TMEM68: variants seen among roughly 807,000 people sequenced by gnomAD.
The protein encoded by TMEM68 is transmembrane protein 68.
Under a neutral mutation model 36.9 loss-of-function variants are expected in TMEM68, and 25 were observed. That is an observed-to-expected ratio of 0.68 (90% CI 0.49 to 0.95). The LOEUF is 0.95. TMEM68 is among the 40% of genes least tolerant of loss of function. TMEM68 has a pLI of 0.00. For missense variants in TMEM68, 333 were observed against 392.0 expected, an observed-to-expected ratio of 0.85 and a Z score of 1.27; for synonymous variants, 131 against 124.4, an observed-to-expected ratio of 1.05 and a Z score of -0.35.
chr8:55,741,890 G>T (rs1007983230), intron 7 of TMEM68, among the ~76,000 whole-genome samples: 2 of 152,012 alleles, frequency 1.3e-5, no homozygotes, highest in Non-Finnish European at 2.9e-5. Flanking sequence ...AAAATGTATA[G>T]ACTTGTACCA....
intron 1 of TMEM68, among the ~76,000 whole-genome samples, chr8:55,765,428 C>A (rs1210062469): frequency 4.6e-5 from 7 of 152,158 alleles, no homozygotes; most frequent in Non-Finnish European, 1.0e-4. Context: ...AACCCCTGTG[C>A]CTCCGTTTGC....
intron 2 of TMEM68, chr8:55,763,717 C>CATGTTTTTATCTTAA (rs1260261436): frequency 1.5e-4 from 7 of 47,060 alleles, no homozygotes; most frequent in Middle Eastern, 0.012. Flanking sequence ...CAAAAGAAAA[C>CATGTTTTTATCTTAA]ATCAATATCT....
intron 5 of TMEM68, 55 bp from the exon 6 acceptor site, chr8:55,745,176 C>G: frequency 5.7e-6 from 7 of 1,234,594 alleles, no homozygotes; most frequent in Non-Finnish European, 7.6e-6. Context: ...CATTCAATGT[C>G]TCCATTAGAG....
In TMEM68 at chr8:55,740,034, A is replaced by T; in HGVS notation, c.*98T>A. 2.4e-6 allele frequency: 2 copies of T among 844,590 alleles called. No individual in the cohort carries two copies. The highest frequency in any genetic ancestry group is 1.8e-6 in the Non-Finnish European group (1 of 566,240). The allele number at this position is 844,590 out of a possible 1,614,324, so 52.3% of individuals were successfully genotyped here. On this transcript the variant is annotated 3_prime_UTR_variant, in exon 8 of 8. Transcript: ENST00000434581. ...CTTATTAACATGATTTTTTTAAAAA[A>T]TACTAATTATAGGACCTACAAAATT... is the stretch of plus-strand genomic sequence containing the variant.
At chr8:55,743,952 A>G (rs1201211472) in intron 6 of TMEM68, among the ~76,000 whole-genome samples, 3 of 152,144 alleles carry the variant, frequency 2.0e-5, no homozygotes, top group African/African-American at 7.2e-5. Context: ...TTAAACAAAA[A>G]TAAGTAAACA....
intron 5 of TMEM68, chr8:55,747,447 TAAAG>T (rs1437216669): frequency 6.6e-6 from 1 of 152,140 alleles, no homozygotes; most frequent in African/African-American, 2.4e-5. Flanking sequence ...CACAAGAAGA[TAAAG>T]AAGACAAAAT....
At chr8:55,754,460 TATATATACACAC>T (rs1266442924) in intron 4 of TMEM68, among the ~76,000 whole-genome samples, 1 of 110,716 alleles carries the variant, frequency 9.0e-6, no homozygotes, top group Admixed American at 1.0e-4. Context: ...TATATATATA[TATATATACACAC>T]ACACACACAC....
intron 1 of TMEM68, among the ~76,000 whole-genome samples, chr8:55,769,344 T>C (rs902422793): frequency 3.5e-5 from 2 of 57,948 alleles, no homozygotes; most frequent in African/African-American, 1.1e-4. Flanking sequence ...AAAAAAAAGA[T>C]AGGAGAAAAT....
chr8:55,762,308 T>TA, intron 3 of TMEM68: 1 of 333,354 alleles, frequency 3.0e-6, no homozygotes. Flanking sequence ...AAATGCTAAA[T>TA]AATTGAAGCA....
intron 4 of TMEM68, chr8:55,751,681 A>T (rs985444610): frequency 2.5e-5 from 6 of 240,766 alleles, no homozygotes; most frequent in South Asian, 4.6e-5. Flanking sequence ...TTTTTAAAAT[A>T]GCAAACATCA....
At chr8:55,742,437 T>C (rs1031290339) in intron 7 of TMEM68, among the ~76,000 whole-genome samples, 3 of 152,226 alleles carry the variant, frequency 2.0e-5, no homozygotes, top group Admixed American at 1.3e-4. Context: ...GTGTTTACCA[T>C]ATGTTTTACC....
chr8:55,750,954 T>C lies in TMEM68; in HGVS notation c.687+10A>G, dbSNP rs749653091. 4.4e-6 allele frequency: 7 copies of C among 1,596,650 alleles called. No individual in the cohort carries two copies. The highest frequency in any genetic ancestry group is 3.8e-5 in the Admixed American group (2 of 53,268). Reference sequence around the variant, plus strand: ...AGCTTTACTTCAATAATTAATTTTATATAACTCACCACTTTTGCATCAATT... The same window carrying C: ...AGCTTTACTTCAATAATTAATTTTACATAACTCACCACTTTTGCATCAATT... On this transcript the variant is annotated intron_variant, in intron 5 of 7. Coordinates refer to ENST00000434581, the MANE Select transcript of TMEM68 (RefSeq NM_001286657.2).
rs769626273 is a variant in TMEM68, at chr8:55,754,444, A to AATATATATATATATAT, written c.493+1784_493+1799dup. Among the ~76,000 whole-genome samples, 48 of 101,110 alleles carry AATATATATATATATAT rather than the reference A, an allele frequency of 4.7e-4. 1 individual carries two copies. The highest frequency in any genetic ancestry group is 1.7e-3 in the African/African-American group (43 of 25,838). 66.3% of individuals were successfully genotyped at this position (101,110 alleles called of 152,430 possible). Reference sequence around the variant, plus strand: ...GGTGACAGAGCAAGACTCTGTCTCGAATATATATATATATATATATATACA... The same window carrying AATATATATATATATAT: ...GGTGACAGAGCAAGACTCTGTCTCGAATATATATATATATATATATATATATATATATATATATACA... On this transcript the variant is annotated intron_variant, in intron 4 of 7. Coordinates refer to ENST00000434581, the MANE Select transcript of TMEM68 (RefSeq NM_001286657.2).
chr8:55,743,472 G>A lies in TMEM68; in HGVS notation c.888+9C>T. The A allele has an allele frequency of 6.6e-7, 1 of 1,513,128 alleles. No individual in the cohort carries two copies. Among genetic ancestry groups the A allele is most frequent in the Non-Finnish European group, 8.8e-7 (1 of 1,140,746 alleles). 93.7% of individuals were successfully genotyped at this position (1,513,128 alleles called of 1,614,324 possible). On this transcript the variant is annotated intron_variant, in intron 7 of 7. Coordinates refer to ENST00000434581, the MANE Select transcript of TMEM68 (RefSeq NM_001286657.2). ...CTGTCCTAAAACTAAAAAAGAAAAA[G>A]CAATTTACCTTTTCAGCTAATTCTT...
At position 55,753,863 on chromosome 8, in the gene TMEM68, G is replaced by A. The variant is rs184557878; in HGVS notation, c.493+2381C>T. Among the ~76,000 whole-genome samples, 165 of 152,266 alleles carry A rather than the reference G, an allele frequency of 1.1e-3. 4 individuals carry two copies. The East Asian group carries it at 0.024, about 22-fold the overall frequency. Reference sequence around the variant, plus strand: ...TCTCAGTACTTTGGGAGGCCAAGGCGGGCGGATCACCTGAGGTCAGGAGTT... The same window carrying A: ...TCTCAGTACTTTGGGAGGCCAAGGCAGGCGGATCACCTGAGGTCAGGAGTT... On this transcript the variant is annotated intron_variant, in intron 4 of 7. Transcript: ENST00000434581.
In TMEM68 at chr8:55,739,911, A is replaced by T. The variant is rs1024618237; in HGVS notation, c.*221T>A. On this transcript the variant is annotated 3_prime_UTR_variant, in exon 8 of 8. Coordinates refer to ENST00000434581, the MANE Select transcript of TMEM68 (RefSeq NM_001286657.2). ...ATTGTTAGGAATTTACAAATAAGAC[A>T]TCTTTTTCTGAATTACTAGGTGTGT... 2 of 462,748 alleles carry T rather than the reference A, an allele frequency of 4.3e-6. No individual in the cohort carries two copies. 28.7% of individuals were successfully genotyped at this position (462,748 alleles called of 1,614,324 possible).
rs765960668 is a variant in TMEM68, at chr8:55,762,869, C to T, written c.91G>A (p.Val31Met). 3.1e-6 allele frequency: 5 copies of T among 1,614,194 alleles called. No homozygotes were observed. The highest frequency in any genetic ancestry group is 4.2e-6 in the Non-Finnish European group (5 of 1,180,034). The change falls in exon 3 of 8, where the codon GTG (valine) becomes ATG (methionine). Residue 31 changes from valine to methionine, a missense_variant. Transcript: ENST00000434581. Reference sequence around the variant, plus strand: ...TTCAAATAGTCCTCCAACTGCTCCACACCAAACCATTCTTCGAGTATGTGA... The same window carrying T: ...TTCAAATAGTCCTCCAACTGCTCCATACCAAACCATTCTTCGAGTATGTGA... ...LIHILEEWFG[V>M]EQLEDYLNFA...
intron 4 of TMEM68, 160 bp from the exon 5 acceptor site, chr8:55,751,317 T>C (rs573449589): frequency 1.6e-6 from 1 of 636,584 alleles, no homozygotes; most frequent in African/African-American, 1.9e-5. Flanking sequence ...AACTTAAGCT[T>C]GATATTAAGC....
chr8:55,753,862 C>T (rs948789886), intron 4 of TMEM68, among the ~76,000 whole-genome samples: 1 of 152,110 alleles, frequency 6.6e-6, no homozygotes, highest in African/African-American at 2.4e-5. Context: ...GAGGCCAAGG[C>T]GGGCGGATCA....
Sources: gnomAD v4.1 joint callset for allele counts (sites outside exome capture counted in the v4.1 genomes callset) on GRCh38, gnomAD v4.1.1 for gene constraint, MANE v1.5 for transcripts, NCBI Gene and HGNC (gene_info 2026-07-23, HGNC 2026-07-21) for gene names.